The following LUZP2 variants were observed in gnomAD, a reference collection of about 807,000 sequenced individuals.
LUZP2 encodes leucine zipper protein 2.
LUZP2 carries 52 observed loss-of-function variants against 51.6 expected under a neutral mutation model. The observed-to-expected ratio is 1.01, with a 90% CI of 0.81 to 1.27. The LOEUF is 1.27. Among genes scored for constraint, LUZP2 ranks in the 50% most tolerant of loss-of-function variants. LUZP2 has a pLI of 0.00. For missense variants in LUZP2, 436 were observed against 395.4 expected (o/e 1.10, Z -0.87); for synonymous variants, 154 against 137.3 (o/e 1.12, Z -0.85).
intron 5 of LUZP2, among the ~76,000 whole-genome samples, chr11:24,774,969 C>A (rs1848873517): frequency 6.6e-6 from 1 of 150,890 alleles, no homozygotes; most frequent in African/African-American, 2.4e-5. Flanking sequence ...TCATTTCTGG[C>A]TACCTACCTA....
intron 1 of LUZP2, among the ~76,000 whole-genome samples, chr11:24,726,084 T>C (rs1451345388): frequency 6.6e-6 from 1 of 152,166 alleles, no homozygotes. Context: ...CAGTCTTAGT[T>C]ACTTTGTTAT....
At chr11:24,936,814 C>A (rs755751927) in intron 7 of LUZP2, among the ~76,000 whole-genome samples, 1 of 152,114 alleles carries the variant, frequency 6.6e-6, no homozygotes, top group Non-Finnish European at 1.5e-5. Context: ...CAATAACCAA[C>A]ACATATTTTT....
intron 1 of LUZP2, among the ~76,000 whole-genome samples, chr11:24,634,064 G>T (rs564863277): frequency 6.6e-6 from 1 of 151,816 alleles, no homozygotes; most frequent in South Asian, 2.1e-4. Context: ...GAATTATTGG[G>T]TTTTCTATAG....
intron 10 of LUZP2, among the ~76,000 whole-genome samples, chr11:25,055,111 A>G (rs1053066689): frequency 2.8e-5 from 4 of 144,652 alleles, no homozygotes; most frequent in African/African-American, 1.0e-4. Flanking sequence ...CCTGGGTTCA[A>G]GCGATTCTCC....
At chr11:25,028,112 C>T (rs10834582) in intron 9 of LUZP2, among the ~76,000 whole-genome samples, 88,171 of 151,846 alleles carry the variant, frequency 0.58, 26,705 homozygotes, top group African/African-American at 0.76. Context: ...ATAGGTTATA[C>T]GAGACATTTT....
intron 1 of LUZP2, among the ~76,000 whole-genome samples, chr11:24,521,058 A>G (rs943278866): frequency 1.3e-5 from 2 of 152,166 alleles, no homozygotes; most frequent in South Asian, 2.1e-4. Flanking sequence ...TTTTAGGAAA[A>G]CAGATTGTGT....
At chr11:25,002,754 A>T (rs892332233) in intron 9 of LUZP2, among the ~76,000 whole-genome samples, 2 of 152,198 alleles carry the variant, frequency 1.3e-5, no homozygotes, top group African/African-American at 4.8e-5. Context: ...CTGATGTATA[A>T]AAAGAAGTTT....
intron 10 of LUZP2, among the ~76,000 whole-genome samples, chr11:25,065,423 T>C (rs1438087898): frequency 1.3e-5 from 2 of 152,086 alleles, no homozygotes; most frequent in Admixed American, 1.3e-4. Flanking sequence ...GCATTAAATA[T>C]ATGTCCTTAT....
Position 24,983,305 on chromosome 11 carries a change from T to G in LUZP2, c.765+12T>G, listed in dbSNP as rs1396504028. ...CGGCCAAAAGCAAGGTACCTACCTTTTATTTGCGCTTTGTAAAGTAACAGC... is the reference window on the plus strand; with the variant it reads ...CGGCCAAAAGCAAGGTACCTACCTTGTATTTGCGCTTTGTAAAGTAACAGC... On this transcript the variant is annotated intron_variant, in intron 9 of 11. Transcript: ENST00000336930. 1 of 1,609,426 alleles carries G rather than the reference T, an allele frequency of 6.2e-7. No homozygotes were observed. Among genetic ancestry groups the G allele is most frequent in the Admixed American group, 1.7e-5 (1 of 59,464 alleles).
intron 9 of LUZP2, among the ~76,000 whole-genome samples, chr11:25,044,682 G>C (rs113394160): frequency 0.01 from 1,527 of 150,462 alleles, 23 homozygotes; most frequent in African/African-American, 0.028. Context: ...ACTAGAAATA[G>C]CATTTGACCC....
chr11:24,700,212 C>T (rs1857384175), intron 1 of LUZP2, among the ~76,000 whole-genome samples: 1 of 152,106 alleles, frequency 6.6e-6, no homozygotes, highest in Non-Finnish European at 1.5e-5. Flanking sequence ...CAGGCACAAA[C>T]CACCATTCCT....
chr11:24,728,260 A>C (rs949743545), intron 1 of LUZP2, among the ~76,000 whole-genome samples: 2 of 151,980 alleles, frequency 1.3e-5, no homozygotes, highest in African/African-American at 2.4e-5. Flanking sequence ...CATCATTAGT[A>C]AATAGCTCCC....
At chr11:24,907,864 T>A (rs1853507877) in intron 6 of LUZP2, among the ~76,000 whole-genome samples, 1 of 152,192 alleles carries the variant, frequency 6.6e-6, no homozygotes, top group African/African-American at 2.4e-5. Context: ...TGTTAGATAC[T>A]TCATGTATTA....
intron 5 of LUZP2, among the ~76,000 whole-genome samples, chr11:24,833,769 G>A (rs1003703064): frequency 6.6e-6 from 1 of 151,268 alleles, no homozygotes; most frequent in African/African-American, 2.4e-5. Flanking sequence ...AAACCTGCAA[G>A]CTCATTGCCT....
chr11:24,705,632 G>A (rs74528759), intron 1 of LUZP2, among the ~76,000 whole-genome samples: 3,799 of 152,236 alleles, frequency 0.025, 73 homozygotes, highest in Middle Eastern at 0.034. Flanking sequence ...CAGAAAGTTG[G>A]GGACAGAAGC....
intron 1 of LUZP2, among the ~76,000 whole-genome samples, chr11:24,700,506 T>C (rs1289839206): frequency 1.3e-5 from 2 of 152,142 alleles, no homozygotes. Flanking sequence ...AAATCTAACA[T>C]ATGTATTTTA....
chr11:24,627,067 A>G lies in LUZP2; in HGVS notation c.63-102102A>G, dbSNP rs1374941100. On this transcript the variant is annotated intron_variant, in intron 1 of 11. Coordinates refer to ENST00000336930, the MANE Select transcript of LUZP2 (RefSeq NM_001009909.4). ...GAGAAAAAGTTAATAAACACTTTTG[A>G]TTGAGTAGAAAGACAATAATAAATC... is the stretch of plus-strand genomic sequence containing the variant. Among the ~76,000 whole-genome samples, 5 of 152,300 alleles carry G rather than the reference A, an allele frequency of 3.3e-5. No individual in the cohort carries two copies. In the East Asian group the frequency reaches 9.6e-4, roughly 29 times the overall value.
chr11:24,774,416 CTTTATATATCTGTAGGGAGA>C (rs1205861382), intron 5 of LUZP2, among the ~76,000 whole-genome samples: 1 of 116,334 alleles, frequency 8.6e-6, no homozygotes, highest in African/African-American at 3.3e-5. Flanking sequence ...AGAATATATT[CTTTATATATCTGTAGGGAGA>C]ATATATATAT....
At chr11:25,004,548 T>C (rs1040187789) in intron 9 of LUZP2, among the ~76,000 whole-genome samples, 15 of 152,166 alleles carry the variant, frequency 9.9e-5, no homozygotes, top group Non-Finnish European at 2.9e-5. Context: ...CCGCAGCTGA[T>C]TGAGTAATAA....
Sources: allele counts gnomAD v4.1 joint callset (sites outside exome capture counted in the v4.1 genomes callset), GRCh38; gene constraint gnomAD v4.1.1; transcripts MANE v1.5; gene names NCBI Gene and HGNC (gene_info 2026-07-23, HGNC 2026-07-21).